The following CCDC93 variants were observed in gnomAD, a reference collection of about 807,000 sequenced individuals.
The protein encoded by CCDC93 is coiled-coil domain-containing protein 93.
Under a neutral mutation model 108.2 loss-of-function variants are expected in CCDC93, and 61 were observed. That is an observed-to-expected ratio of 0.56 (90% CI 0.46 to 0.70). The LOEUF is 0.70. CCDC93 is among the 30% of genes least tolerant of loss of function. The probability of loss-of-function intolerance (pLI) is 0.00; values close to 1 mark genes in which losing one functional copy is unlikely to be tolerated. For missense variants in CCDC93, 685 were observed against 764.2 expected (o/e 0.90, Z 1.22); for synonymous variants, 276 against 260.4 (o/e 1.06, Z -0.58).
chr2:117,962,268 A>C (rs942087537), intron 11 of CCDC93, among the ~76,000 whole-genome samples: 2 of 152,220 alleles, frequency 1.3e-5, no homozygotes, highest in Admixed American at 6.5e-5. Flanking sequence ...GACAATAATA[A>C]AGAATTCCTA....
At chr2:117,986,155 A>ATT in intron 6 of CCDC93, 86 bp from the exon 7 acceptor site, 3 of 369,828 alleles carry the variant, frequency 8.1e-6, no homozygotes, top group South Asian at 7.2e-5. Flanking sequence ...CATGGGGTAT[A>ATT]TTCTCTTTTT....
At chr2:117,934,777 C>G (rs1446097581) in intron 22 of CCDC93, 1 of 152,194 alleles carries the variant, frequency 6.6e-6, no homozygotes, top group African/African-American at 2.4e-5. Flanking sequence ...CCAACGTCCC[C>G]GGAAGATTTT....
intron 17 of CCDC93, chr2:117,944,716 C>G (rs1311365424): frequency 4.2e-6 from 2 of 470,974 alleles, no homozygotes; most frequent in South Asian, 3.1e-5. Flanking sequence ...ATAAACACAC[C>G]CCCCTACCCA....
At chr2:117,944,181 C>T in intron 17 of CCDC93, 95 bp from the exon 18 acceptor site, 1 of 866,784 alleles carries the variant, frequency 1.2e-6, no homozygotes, top group Non-Finnish European at 1.8e-6. Flanking sequence ...ATCATATCTC[C>T]CCCATCCTAA....
chr2:117,942,029 A>C (rs1678717410), intron 18 of CCDC93, among the ~76,000 whole-genome samples: 1 of 152,198 alleles, frequency 6.6e-6, no homozygotes, highest in African/African-American at 2.4e-5. Flanking sequence ...GCAGATGTGA[A>C]TCTCTAATTC....
chr2:117,917,523 G>C lies in CCDC93; in HGVS notation c.*2820C>G, dbSNP rs560592990. The C allele has an allele frequency of 8.7e-4, 133 of 152,696 alleles. No homozygotes were observed. Among genetic ancestry groups the C allele is most frequent in the African/African-American group, 2.9e-3 (122 of 41,574 alleles). The allele number at this position is 152,696 out of a possible 1,614,324, so 9.5% of individuals were successfully genotyped here. A position where few individuals can be genotyped will look rare whatever the true frequency, so the allele number is the denominator to read the frequency against. On this transcript the variant is annotated 3_prime_UTR_variant, in exon 24 of 24. Coordinates refer to ENST00000376300, the MANE Select transcript of CCDC93 (RefSeq NM_019044.5). Reference sequence around the variant, plus strand: ...TGAAAATATTAAGGGCTACGAGCTAGAACCATTAAAACCATGAACTTCGGA... The same window carrying C: ...TGAAAATATTAAGGGCTACGAGCTACAACCATTAAAACCATGAACTTCGGA...
At chr2:117,958,538 G>C in intron 11 of CCDC93, 57 bp from the exon 12 acceptor site, 1 of 1,023,912 alleles carries the variant, frequency 9.8e-7, no homozygotes, top group East Asian at 2.4e-5. Flanking sequence ...CTTGGTTCAT[G>C]TAATCAAGCC....
intron 6 of CCDC93, among the ~76,000 whole-genome samples, chr2:117,991,804 C>A (rs886199651): frequency 6.6e-6 from 1 of 152,162 alleles, no homozygotes; most frequent in Non-Finnish European, 1.5e-5. Flanking sequence ...TAAGGATTTC[C>A]TTTCCTTTAT....
At chr2:117,926,931 G>A (rs13397490) in intron 23 of CCDC93, among the ~76,000 whole-genome samples, 4,180 of 152,084 alleles carry the variant, frequency 0.027, 195 homozygotes, top group African/African-American at 0.096. Flanking sequence ...ATGATCAAGT[G>A]GGCTTCATCC....
At chr2:117,971,123 G>T (rs758058183) in intron 11 of CCDC93, among the ~76,000 whole-genome samples, 1 of 152,212 alleles carries the variant, frequency 6.6e-6, no homozygotes, top group Non-Finnish European at 1.5e-5. Context: ...AGCACTTTGG[G>T]AGGCTGAGGT....
At chr2:117,949,544 C>T in intron 13 of CCDC93, 149 bp from the exon 14 acceptor site, 1 of 667,702 alleles carries the variant, frequency 1.5e-6, no homozygotes, top group South Asian at 1.9e-5. Context: ...TTACATCATA[C>T]AACAGAATAC....
chr2:117,997,730 A>G (rs1680701194), intron 4 of CCDC93: 2 of 152,262 alleles, frequency 1.3e-5, no homozygotes, highest in South Asian at 4.1e-4. Context: ...ATCAGAGAGT[A>G]TTGAGAACGA....
In CCDC93 at chr2:117,931,136, C is replaced by G; in HGVS notation, c.1743G>C (p.Lys581Asn). The G allele has an allele frequency of 2.1e-5, 34 of 1,612,992 alleles. No individual in the cohort carries two copies. Among genetic ancestry groups the G allele is most frequent in the Non-Finnish European group, 2.9e-5 (34 of 1,179,076 alleles). ...GGTCTCTTCTCATTTTGTTCTCTTGCTTTTTCTTTTCCATCTGTTGAAACA... is the reference window on the plus strand; with the variant it reads ...GGTCTCTTCTCATTTTGTTCTCTTGGTTTTTCTTTTCCATCTGTTGAAACA... Reference protein sequence around the residue: ...KQSRMKMEKKKQENKMRRDQL... With the variant: ...KQSRMKMEKKNQENKMRRDQL... Residue 581 changes from lysine to asparagine, a missense_variant, in exon 23 of 24, where the codon AAG (lysine) becomes AAC (asparagine). Lys to Asn is a moderately conservative substitution (Grantham distance 94). Coordinates refer to ENST00000376300, the MANE Select transcript of CCDC93 (RefSeq NM_019044.5).
At chr2:117,978,073 T>C (rs2104788300) in intron 7 of CCDC93, 43 bp from the exon 8 acceptor site, 1 of 1,551,840 alleles carries the variant, frequency 6.4e-7, no homozygotes, top group Non-Finnish European at 8.9e-7. Context: ...CTTAAAAAAT[T>C]ACAATACATT....
chr2:117,983,625 C>T (rs1680217428), intron 7 of CCDC93, among the ~76,000 whole-genome samples: 1 of 110,820 alleles, frequency 9.0e-6, no homozygotes, highest in Non-Finnish European at 1.9e-5. Flanking sequence ...ACAAACTGCT[C>T]AAAATTATAT....
At chr2:117,938,454 C>T (rs1361602778) in intron 20 of CCDC93, among the ~76,000 whole-genome samples, 1 of 151,468 alleles carries the variant, frequency 6.6e-6, no homozygotes, top group East Asian at 1.9e-4. Context: ...TTAGTGGGTG[C>T]AGCGCACCAG....
intron 22 of CCDC93, 32 bp downstream of exon 22, chr2:117,935,463 T>C (rs775504800): frequency 6.5e-7 from 1 of 1,528,418 alleles, no homozygotes; most frequent in Non-Finnish European, 9.1e-7. Flanking sequence ...CTATAAAACC[T>C]GGGCTGCATT....
At chr2:118,003,694 T>C (rs772156706) in intron 3 of CCDC93, among the ~76,000 whole-genome samples, 4 of 152,104 alleles carry the variant, frequency 2.6e-5, no homozygotes, top group African/African-American at 4.8e-5. Flanking sequence ...ACCCAGTTCA[T>C]AAAGGTCCAG....
intron 6 of CCDC93, among the ~76,000 whole-genome samples, chr2:117,992,253 A>G (rs1296663394): frequency 6.6e-6 from 1 of 152,008 alleles, no homozygotes; most frequent in Admixed American, 6.6e-5. Flanking sequence ...CTTTTTATTT[A>G]TTGTTTTGAG....
Sources: allele counts gnomAD v4.1 joint callset (sites outside exome capture counted in the v4.1 genomes callset), GRCh38; gene constraint gnomAD v4.1.1; transcripts MANE v1.5; gene names NCBI Gene and HGNC (gene_info 2026-07-23, HGNC 2026-07-21).